Variants in ASB4 observed in about 807,000 individuals in gnomAD.
The protein encoded by ASB4 is ankyrin repeat and SOCS box protein 4.
A neutral mutation model predicts 38.6 loss-of-function variants in ASB4; 35 were observed. That is an observed-to-expected ratio of 0.91 (90% CI 0.69 to 1.20). The LOEUF (loss-of-function observed/expected upper bound fraction) is 1.20. Among genes scored for constraint, ASB4 ranks in the 50% most tolerant of loss-of-function variants. The pLI is 0.00. For missense variants in ASB4, 557 were observed against 527.2 expected (o/e 1.06, Z -0.55); for synonymous variants, 195 against 201.3 (o/e 0.97, Z 0.26).
intron 1 of ASB4, among the ~76,000 whole-genome samples, chr7:95,488,066 G>A (rs1224417564): frequency 1.3e-5 from 2 of 152,244 alleles, no homozygotes; most frequent in South Asian, 2.1e-4. Context: ...TTCAGGCCGG[G>A]AGTGGTGGCT....
intron 2 of ASB4, among the ~76,000 whole-genome samples, chr7:95,496,491 T>G (rs900045404): frequency 1.3e-5 from 2 of 152,164 alleles, no homozygotes; most frequent in African/African-American, 4.8e-5. Context: ...CAGAAGTGAA[T>G]TACTATAAAA....
At chr7:95,529,949 C>T (rs1790795727) in intron 3 of ASB4, among the ~76,000 whole-genome samples, 1 of 151,856 alleles carries the variant, frequency 6.6e-6, no homozygotes, top group South Asian at 2.1e-4. Flanking sequence ...TACTTAACAC[C>T]TCCGAAGTGT....
chr7:95,541,568 T>C (rs1790971211), downstream of ASB4, among the ~76,000 whole-genome samples: 2 of 152,172 alleles, frequency 1.3e-5, no homozygotes, highest in Admixed American at 6.5e-5. Context: ...CTTCCTGGGC[T>C]TTTTTGAGAT....
At chr7:95,490,776 C>T (rs937076501) in intron 1 of ASB4, among the ~76,000 whole-genome samples, 1 of 152,266 alleles carries the variant, frequency 6.6e-6, no homozygotes, top group Non-Finnish European at 1.5e-5. Flanking sequence ...GCTATTGGGG[C>T]ATATCTCTTT....
intron 2 of ASB4, among the ~76,000 whole-genome samples, chr7:95,497,109 G>A (rs1293778463): frequency 6.6e-6 from 1 of 152,032 alleles, no homozygotes; most frequent in Non-Finnish European, 1.5e-5. Flanking sequence ...AGATCCTACA[G>A]GGCCTTTGAG....
At chr7:95,550,114 G>A in the ASB4 span, among the ~76,000 whole-genome samples, 1 of 152,142 alleles carries the variant, frequency 6.6e-6, no homozygotes, top group Non-Finnish European at 1.5e-5. Flanking sequence ...TGGTTTACAG[G>A]AACATCCAGG....
chr7:95,538,091 C>G lies in ASB4; in HGVS notation c.*332C>G, dbSNP rs562534305. ...CTGAAATGGGACCCAGGTTTTCTTC[C>G]AACCAATATAATTCTGTGCCTTATC... is the stretch of plus-strand genomic sequence containing the variant. On this transcript the variant is annotated 3_prime_UTR_variant, in exon 5 of 5. Coordinates refer to ENST00000325885, the MANE Select transcript of ASB4 (RefSeq NM_016116.3). 5.6e-5 allele frequency: 11 copies of G among 197,772 alleles called. No individual in the cohort carries two copies. The East Asian group carries it at 1.3e-3, about 23-fold the overall frequency. 12.3% of individuals were successfully genotyped at this position (197,772 alleles called of 1,614,324 possible).
intron 1 of ASB4, among the ~76,000 whole-genome samples, chr7:95,494,924 A>G (rs1421248522): frequency 1.3e-5 from 2 of 152,200 alleles, no homozygotes; most frequent in East Asian, 1.9e-4. Context: ...CCCCTGCCCA[A>G]TCATTTATGT....
intron 3 of ASB4, chr7:95,528,521 A>C: frequency 7.0e-7 from 1 of 1,429,054 alleles, no homozygotes; most frequent in East Asian, 2.5e-5. Flanking sequence ...AATGAGAAAA[A>C]GAGTAGCAAA....
chr7:95,517,296 A>C (rs918236452), intron 2 of ASB4, among the ~76,000 whole-genome samples: 1 of 152,078 alleles, frequency 6.6e-6, no homozygotes, highest in Non-Finnish European at 1.5e-5. Flanking sequence ...AGACTCCCCA[A>C]ATGCTGGGAC....
chr7:95,532,336 A>C (rs1033068057), intron 3 of ASB4, among the ~76,000 whole-genome samples: 1 of 152,202 alleles, frequency 6.6e-6, no homozygotes, highest in Non-Finnish European at 1.5e-5. Context: ...TGTAAATTAC[A>C]TAAGCGGGGG....
chr7:95,547,001 T>C, the ASB4 span, among the ~76,000 whole-genome samples: 1 of 152,302 alleles, frequency 6.6e-6, no homozygotes, highest in Admixed American at 6.5e-5. Context: ...CACGTCCCCT[T>C]TTAAAAGCTT....
chr7:95,485,864 C>T (rs1258812713), upstream of ASB4: 5 of 911,872 alleles, frequency 5.5e-6, no homozygotes, highest in Non-Finnish European at 8.2e-6. Context: ...ATCAGCATAA[C>T]TTTGGGATAA....
chr7:95,535,069 C>A (rs938005530), intron 3 of ASB4, among the ~76,000 whole-genome samples: 3 of 152,062 alleles, frequency 2.0e-5, no homozygotes, highest in Admixed American at 6.6e-5. Context: ...CACACACATG[C>A]ACATGCACAC....
chr7:95,539,787 A>G lies in ASB4; in HGVS notation c.*2028A>G, dbSNP rs1790945140. On this transcript the variant is annotated 3_prime_UTR_variant, in exon 5 of 5. Transcript: ENST00000325885. ...AAAGACTACATATTGGGTACAGTGT[A>G]CACTGCTCCAGTGATGGGTGCACTA... 6.6e-6 allele frequency: 1 copy of G among 152,208 alleles called. No homozygotes were observed. Among genetic ancestry groups the G allele is most frequent in the Non-Finnish European group, 1.5e-5 (1 of 68,058 alleles). 9.4% of individuals were successfully genotyped at this position (152,208 alleles called of 1,614,324 possible). A position where few individuals can be genotyped will look rare whatever the true frequency, so the allele number is the denominator to read the frequency against.
chr7:95,505,506 C>T (rs922467200), intron 2 of ASB4, among the ~76,000 whole-genome samples: 9 of 152,226 alleles, frequency 5.9e-5, no homozygotes, highest in East Asian at 3.9e-4. Flanking sequence ...TCTTCAGAGG[C>T]AACCACTTTT....
At chr7:95,513,532 A>G (rs1050843834) in intron 2 of ASB4, among the ~76,000 whole-genome samples, 3 of 152,070 alleles carry the variant, frequency 2.0e-5, no homozygotes, top group African/African-American at 2.4e-5. Flanking sequence ...AAGCCCACCC[A>G]CATTAAGGAG....
the ASB4 span, chr7:95,471,815 C>G: frequency 6.6e-6 from 1 of 151,538 alleles, no homozygotes; most frequent in South Asian, 2.1e-4. Context: ...AGGGACAATG[C>G]TAAGTATTTT....
intron 1 of ASB4, among the ~76,000 whole-genome samples, chr7:95,494,097 C>T (rs1790212905): frequency 6.6e-6 from 1 of 152,192 alleles, no homozygotes; most frequent in African/African-American, 2.4e-5. Flanking sequence ...TAGGACATTT[C>T]ACATGGGTGT....
Sources: allele counts gnomAD v4.1 joint callset (sites outside exome capture counted in the v4.1 genomes callset), GRCh38; gene constraint gnomAD v4.1.1; transcripts MANE v1.5; gene names NCBI Gene and HGNC (gene_info 2026-07-23, HGNC 2026-07-21).